Variants in CAPN3 observed in about 807,000 individuals in gnomAD.
CAPN3 encodes the protein calpain 3, also known as calpain-3.
A neutral mutation model predicts 114.0 loss-of-function variants in CAPN3; 88 were observed. The ratio of observed to expected loss-of-function variants is 0.77; its 90% CI spans 0.65 to 0.92. CAPN3 has a LOEUF of 0.92. Ranked by LOEUF, CAPN3 falls within the 40% of genes least tolerant of loss-of-function variation. CAPN3 has a pLI of 0.00. For synonymous variants in CAPN3, 386 were observed against 382.9 expected (o/e 1.01, Z -0.09); for missense variants, 1,028 against 1,069.0 (o/e 0.96, Z 0.53).
chr15:42,392,645 A>C lies in CAPN3; in HGVS notation c.952A>C (p.Ile318Leu). Residue 318 changes from isoleucine (I) to leucine (L), a missense_variant, in exon 7 of 24, where the codon ATT (isoleucine) becomes CTT (leucine). Physicochemically the swap from Ile to Leu is conservative, Grantham distance 5. Transcript: ENST00000397163. ...GSDERPTRTIIPVQYETRMAC... is the reference protein window; with the variant it reads ...GSDERPTRTILPVQYETRMAC... ...TCTGGTTACTGCTCTACAGACAATC[A>C]TTCCGGTTCAGTATGAGACAAGAAT... 1 of 1,613,594 alleles carries C rather than the reference A, an allele frequency of 6.2e-7. No individual in the cohort carries two copies. Among genetic ancestry groups the C allele is most frequent in the Non-Finnish European group, 8.5e-7 (1 of 1,179,614 alleles).
In CAPN3 at chr15:42,411,818, TCA is replaced by T; in HGVS notation, c.*46_*47del. On this transcript the variant is annotated 3_prime_UTR_variant, in exon 24 of 24. Transcript: ENST00000397163. ...AAGCCATGCAGGATCACTCAGGATT[TCA>T]GTTTCACCCTCTATTTCCAAAGCCA... 1 of 1,613,776 alleles carries T rather than the reference TCA, an allele frequency of 6.2e-7. No homozygotes were observed. Among genetic ancestry groups the T allele is most frequent in the Non-Finnish European group, 8.5e-7 (1 of 1,179,882 alleles).
chr15:42,402,257 C>G (rs985320001), intron 12 of CAPN3, 122 bp downstream of exon 12: 9 of 1,598,802 alleles, frequency 5.6e-6, no homozygotes, highest in Non-Finnish European at 7.7e-6. Context: ...TAGGAGAGGG[C>G]CTTGCCTGTG....
At chr15:42,408,809 CA>C (rs2054104926) in intron 16 of CAPN3, 1 of 297,118 alleles carries the variant, frequency 3.4e-6, no homozygotes, top group Non-Finnish European at 6.5e-6. Flanking sequence ...CAGACCAATC[CA>C]GGGCCCCTCT....
intron 14 of CAPN3, chr15:42,404,807 G>A: frequency 9.3e-7 from 1 of 1,076,158 alleles, no homozygotes; most frequent in Non-Finnish European, 1.1e-6. Flanking sequence ...CCAGTGCCAG[G>A]TCTCCAAGTG....
rs534326487 is a variant in CAPN3, at chr15:42,401,690, C to T, written c.1404C>T (p.Asp468=). Residue 468 remains aspartate, a synonymous_variant, in exon 11 of 24, where the codon GAC becomes GAT. Transcript: ENST00000397163. The part of the protein sequence containing the change: ...PQYRLKLLEE[D]DDPDDSEVIC... ...ACCGTCTGAAGCTCCTGGAGGAGGA[C>T]GATGACCCTGATGACTCGGAGGTGA... is the stretch of plus-strand genomic sequence containing the variant. 2.7e-5 allele frequency: 44 copies of T among 1,614,118 alleles called. No individual in the cohort carries two copies. The highest frequency in any genetic ancestry group is 2.4e-4 in the African/African-American group (18 of 75,028).
At chr15:42,392,579 C>A (rs1004288150) in intron 6 of CAPN3, 60 bp from the exon 7 acceptor site, 3 of 1,342,342 alleles carry the variant, frequency 2.2e-6, no homozygotes, top group East Asian at 2.3e-5. Flanking sequence ...AACTTTGCCT[C>A]CAAGCAGCAG....
intron 1 of CAPN3, 37 bp downstream of exon 1, chr15:42,360,151 C>G: frequency 6.2e-7 from 1 of 1,613,274 alleles, no homozygotes; most frequent in Non-Finnish European, 8.5e-7. Context: ...GGTTTTCCCC[C>G]CACGGAGGAG....
chr15:42,374,990 T>C (rs555220685), intron 1 of CAPN3, among the ~76,000 whole-genome samples: 1 of 61,458 alleles, frequency 1.6e-5, no homozygotes, highest in Non-Finnish European at 2.6e-5. Context: ...AATAAAAATT[T>C]ATTTATTTAT....
intron 4 of CAPN3, among the ~76,000 whole-genome samples, chr15:42,388,561 C>T (rs1257044431): frequency 6.6e-6 from 1 of 152,108 alleles, no homozygotes; most frequent in Non-Finnish European, 1.5e-5. Flanking sequence ...CCAGCCTTGG[C>T]CTCCCGAAGC....
At chr15:42,388,869 C>T (rs1368978337) in intron 4 of CAPN3, 59 bp from the exon 5 acceptor site, 1 of 1,473,940 alleles carries the variant, frequency 6.8e-7, no homozygotes, top group Non-Finnish European at 9.5e-7. Context: ...GGCAGTGGTA[C>T]CTGGGTTTTG....
In CAPN3 at chr15:42,412,133, T is replaced by A; in HGVS notation, c.*360T>A. ...GGTGGCACTCAGCACCTCCTTGTGC[T>A]AGAGCCCTCCATCACCTTCACGCTG... On this transcript the variant is annotated 3_prime_UTR_variant, in exon 24 of 24. Coordinates refer to ENST00000397163, the MANE Select transcript of CAPN3 (RefSeq NM_000070.3). 1.3e-6 allele frequency: 2 copies of A among 1,536,038 alleles called. No homozygotes were observed. Among genetic ancestry groups the A allele is most frequent in the Non-Finnish European group, 1.7e-6 (2 of 1,146,900 alleles).
At chr15:42,404,955 C>G in intron 14 of CAPN3, 1 of 997,666 alleles carries the variant, frequency 1.0e-6, no homozygotes, top group Middle Eastern at 5.2e-4. Context: ...TGGCACGTCA[C>G]GTGAGTAGAG....
At chr15:42,400,207 A>T (rs932257358) in intron 10 of CAPN3, among the ~76,000 whole-genome samples, 24 of 152,200 alleles carry the variant, frequency 1.6e-4, no homozygotes, top group Admixed American at 1.5e-3. Context: ...AACCATCCTA[A>T]GTCAGGGACT....
intron 1 of CAPN3, among the ~76,000 whole-genome samples, chr15:42,380,506 G>A (rs1595813630): frequency 6.9e-6 from 1 of 145,758 alleles, no homozygotes; most frequent in Non-Finnish European, 1.5e-5. Context: ...TCAGCCTCCT[G>A]AGTAGCTGGG....
intron 12 of CAPN3, chr15:42,402,400 C>T (rs1327275499): frequency 1.8e-5 from 26 of 1,442,560 alleles, no homozygotes; most frequent in South Asian, 4.4e-5. Context: ...CCCTCCTCCA[C>T]GCTTACAGCC....
intron 1 of CAPN3, 38 bp downstream of exon 1, chr15:42,360,152 C>G (rs111792770): frequency 2.5e-5 from 41 of 1,613,150 alleles, no homozygotes; most frequent in Middle Eastern, 1.7e-4. Context: ...GTTTTCCCCC[C>G]ACGGAGGAGT....
chr15:42,378,250 C>T (rs974517552), intron 1 of CAPN3, among the ~76,000 whole-genome samples: 6 of 152,134 alleles, frequency 3.9e-5, no homozygotes, highest in Non-Finnish European at 8.8e-5. Context: ...GCCCCCACCC[C>T]GGGGGGAGCT....
chr15:42,386,396 G>C, intron 3 of CAPN3, 111 bp downstream of exon 3: 1 of 816,932 alleles, frequency 1.2e-6, no homozygotes, highest in East Asian at 2.4e-5. Flanking sequence ...TCTACCCGCA[G>C]CGGCAACAGT....
rs1219926521 is a variant in CAPN3, at chr15:42,403,009, G to A, written c.1745+7G>A. 7 of 1,612,190 alleles carry A rather than the reference G, an allele frequency of 4.3e-6. No homozygotes were observed. In the South Asian group the frequency reaches 6.6e-5, roughly 15 times the overall value. ...AAAAGAGGAACCTCTCTGAGTGAGT[G>A]CTGGCCCAGCTTTCCCACGTGTTTC... On this transcript the variant is annotated splice_region_variant and intron_variant, in intron 13 of 23. Coordinates refer to ENST00000397163, the MANE Select transcript of CAPN3 (RefSeq NM_000070.3).
Sources: allele counts gnomAD v4.1 joint callset (sites outside exome capture counted in the v4.1 genomes callset), GRCh38; gene constraint gnomAD v4.1.1; transcripts MANE v1.5; gene names NCBI Gene and HGNC (gene_info 2026-07-23, HGNC 2026-07-21).